ZNF846: variants seen among roughly 807,000 people sequenced by gnomAD.
The protein encoded by ZNF846 is zinc finger protein 420 pseudogene.
In ZNF846, 15 loss-of-function variants were observed where a neutral mutation model predicts 16.0. The observed-to-expected ratio is 0.94, with a 90% confidence interval of 0.63 to 1.45. The LOEUF (loss-of-function observed/expected upper bound fraction) is 1.45, where lower values mean the gene tolerates loss of function less well. Among genes scored for constraint, ZNF846 ranks in the 40% most tolerant of loss-of-function variants. The pLI is 0.00. For missense variants in ZNF846, 714 were observed against 622.3 expected, an observed-to-expected ratio of 1.15 and a Z score of -1.57; for synonymous variants, 229 against 212.0, an observed-to-expected ratio of 1.08 and a Z score of -0.70.
chr19:9,770,805 G>A (rs1230535078), upstream of ZNF846, among the ~76,000 whole-genome samples: 3 of 152,106 alleles, frequency 2.0e-5, no homozygotes, highest in Non-Finnish European at 4.4e-5. Context: ...GGAGGCGGAG[G>A]TTGCAGTGAG....
intron 1 of ZNF846, 69 bp from the exon 2 acceptor site, chr19:9,765,104 G>A: frequency 2.4e-6 from 2 of 826,264 alleles, no homozygotes. Flanking sequence ...TAGGCATGGT[G>A]GCTCATGCCT....
chr19:9,755,799 CAAAAAAAAAAAAAAAA>C (rs538572391), downstream of ZNF846, among the ~76,000 whole-genome samples: 3,635 of 24,510 alleles, frequency 0.15, 154 homozygotes, highest in African/African-American at 0.27. Flanking sequence ...GACTCCGTCT[CAAAAAAAAAAAAAAAA>C]AAAAAAAAAA....
At position 9,760,765 on chromosome 19, in the gene ZNF846, G is replaced by A. The variant is rs557241000; in HGVS notation, c.230-823C>T. Among the ~76,000 whole-genome samples, 4 of 151,308 alleles carry A rather than the reference G, an allele frequency of 2.6e-5. No homozygotes were observed. The East Asian group carries it at 5.8e-4, about 22-fold the overall frequency. On this transcript the variant is annotated intron_variant, in intron 4 of 5. Coordinates refer to ENST00000397902, the Ensembl canonical transcript of ZNF846. ...AAGTGAAAGAAGCTAGAGAGAAAAG[G>A]TTACATTGTATGATTCCATTTATAT...
upstream of ZNF846, among the ~76,000 whole-genome samples, chr19:9,770,455 T>C (rs2045380092): frequency 6.6e-6 from 1 of 151,690 alleles, no homozygotes; most frequent in Non-Finnish European, 1.5e-5. Flanking sequence ...TATCATAACA[T>C]CAGTTGTTGG....
At chr19:9,771,330 AC>A (rs1568328116), upstream of ZNF846, among the ~76,000 whole-genome samples, 9 of 152,034 alleles carry the variant, frequency 5.9e-5, no homozygotes, top group African/African-American at 2.2e-4. Flanking sequence ...GACATGCGCC[AC>A]CATGCTTGGC....
chr19:9,763,214 T>C (rs1164291646), intron 3 of ZNF846, 68 bp downstream of exon 3: 23 of 1,449,880 alleles, frequency 1.6e-5, no homozygotes, highest in Non-Finnish European at 1.9e-5. Flanking sequence ...GTACCCTCAT[T>C]TGACAGCAAA....
At chr19:9,766,263 T>C (rs1168738014) in intron 1 of ZNF846, among the ~76,000 whole-genome samples, 3 of 151,258 alleles carry the variant, frequency 2.0e-5, no homozygotes, top group Non-Finnish European at 4.4e-5. Flanking sequence ...CTACTAAAAA[T>C]ACAAAGAAAA....
intron 1 of ZNF846, 29 bp from the exon 2 acceptor site, chr19:9,765,064 T>C: frequency 8.5e-7 from 1 of 1,170,102 alleles, no homozygotes; most frequent in Non-Finnish European, 1.3e-6. Flanking sequence ...GCATGTCAGT[T>C]GGATACATCA....
intron 1 of ZNF846, among the ~76,000 whole-genome samples, chr19:9,785,301 G>T (rs940483173): frequency 6.6e-6 from 1 of 150,532 alleles, no homozygotes; most frequent in African/African-American, 2.4e-5. Context: ...AGGTTCAAGC[G>T]ATTCTCCTGC....
At chr19:9,783,097 T>G (rs1489644342) in intron 1 of ZNF846, among the ~76,000 whole-genome samples, 1 of 151,894 alleles carries the variant, frequency 6.6e-6, no homozygotes, top group Non-Finnish European at 1.5e-5. Context: ...GATTTTTAAA[T>G]TTTTTTGTAA....
chr19:9,771,832 A>G (rs2045392841), upstream of ZNF846, among the ~76,000 whole-genome samples: 1 of 151,104 alleles, frequency 6.6e-6, no homozygotes, highest in African/African-American at 2.4e-5. Context: ...GCAGTGGCCT[A>G]TCTTGGCTCA....
chr19:9,784,718 C>G (rs1370146335), intron 1 of ZNF846, among the ~76,000 whole-genome samples: 1 of 152,170 alleles, frequency 6.6e-6, no homozygotes. Context: ...CCCGGGCTTT[C>G]TTGGGCAGAG....
chr19:9,776,337 G>A (rs545246622), intron 1 of ZNF846, among the ~76,000 whole-genome samples: 9 of 121,502 alleles, frequency 7.4e-5, no homozygotes, highest in African/African-American at 3.5e-4. Context: ...CACACTCCTA[G>A]TCCGCCTTCA....
chr19:9,750,020 C>G (rs1568317431), downstream of ZNF846, among the ~76,000 whole-genome samples: 1 of 152,012 alleles, frequency 6.6e-6, no homozygotes, highest in Non-Finnish European at 1.5e-5. Context: ...CTCCCAAAAA[C>G]AGCCTACTGG....
At chr19:9,752,595 A>T (rs1044975023), downstream of ZNF846, among the ~76,000 whole-genome samples, 1 of 146,642 alleles carries the variant, frequency 6.8e-6, no homozygotes, top group African/African-American at 2.6e-5. Flanking sequence ...AGCCTGGGGA[A>T]CAAAGTGAGA....
chr19:9,762,179 A>T lies in ZNF846; in HGVS notation c.143-11T>A. ...ATAATTCAGACCCTGCTGGAGGGAA[A>T]AATGCACAAAAGAAGAGGCCCATGC... On this transcript the variant is annotated splice_polypyrimidine_tract_variant and intron_variant, in intron 3 of 5. Transcript: ENST00000397902. 1.9e-6 allele frequency: 3 copies of T among 1,611,516 alleles called. No homozygotes were observed. Among genetic ancestry groups the T allele is most frequent in the Non-Finnish European group, 2.5e-6 (3 of 1,177,748 alleles).
chr19:9,763,728 C>T (rs2045268206), intron 2 of ZNF846, among the ~76,000 whole-genome samples: 1 of 152,220 alleles, frequency 6.6e-6, no homozygotes, highest in African/African-American at 2.4e-5. Flanking sequence ...ATTATCTCCA[C>T]AGTGACACAC....
At chr19:9,756,343 G>GTGTGTA (rs1555711358), downstream of ZNF846, 1 of 71,182 alleles carries the variant, frequency 1.4e-5, no homozygotes, top group African/African-American at 7.6e-5. Context: ...GTGTGTGTGT[G>GTGTGTA]TGTATATATA....
intron 1 of ZNF846, among the ~76,000 whole-genome samples, chr19:9,777,005 T>C (rs1424539382): frequency 2.0e-5 from 3 of 151,946 alleles, no homozygotes; most frequent in East Asian, 3.9e-4. Context: ...GGTCATCAAA[T>C]GGTTGGCACA....
Sources: allele counts gnomAD v4.1 joint callset (sites outside exome capture counted in the v4.1 genomes callset), GRCh38; gene constraint gnomAD v4.1.1; transcripts MANE v1.5; gene names NCBI Gene and HGNC (gene_info 2026-07-23, HGNC 2026-07-21).